CDK6: variants seen among roughly 807,000 people sequenced by gnomAD.
CDK6 encodes cyclin dependent kinase 6, also known as cyclin-dependent kinase 6.
Under a neutral mutation model 37.1 loss-of-function variants are expected in CDK6, and 6 were observed. The ratio of observed to expected loss-of-function variants is 0.16; its 90% CI spans 0.09 to 0.32. The LOEUF (loss-of-function observed/expected upper bound fraction) is 0.32, where lower values mean the gene tolerates loss of function less well. CDK6 is among the 10% of genes least tolerant of loss of function. The pLI is 1.00. For synonymous variants in CDK6, 160 were observed against 161.3 expected, an observed-to-expected ratio of 0.99 and a Z score of 0.06; for missense variants, 224 against 418.9, an observed-to-expected ratio of 0.53 and a Z score of 4.06.
At chr7:92,753,840 C>G (rs1190142829) in intron 3 of CDK6, among the ~76,000 whole-genome samples, 1 of 152,144 alleles carries the variant, frequency 6.6e-6, no homozygotes, top group Non-Finnish European at 1.5e-5. Flanking sequence ...TTTGTTGCTG[C>G]TAGTATTGGT....
chr7:92,631,099 A>G (rs958020733), intron 5 of CDK6, among the ~76,000 whole-genome samples: 1 of 152,126 alleles, frequency 6.6e-6, no homozygotes, highest in Non-Finnish European at 1.5e-5. Context: ...CCTGGGAGAG[A>G]AGGAAAAGCT....
At chr7:92,718,711 G>C (rs986578954) in intron 4 of CDK6, among the ~76,000 whole-genome samples, 1 of 152,186 alleles carries the variant, frequency 6.6e-6, no homozygotes, top group Non-Finnish European at 1.5e-5. Flanking sequence ...TTTGACCTGG[G>C]TAAGGAGGGA....
intron 3 of CDK6, among the ~76,000 whole-genome samples, chr7:92,757,672 G>GT (rs1432800244): frequency 1.3e-5 from 2 of 152,214 alleles, no homozygotes; most frequent in Non-Finnish European, 2.9e-5. Flanking sequence ...TATACACCCA[G>GT]TAAAGGGATT....
chr7:92,718,664 C>T (rs1023816085), intron 4 of CDK6, among the ~76,000 whole-genome samples: 2 of 152,186 alleles, frequency 1.3e-5, no homozygotes, highest in African/African-American at 4.8e-5. Flanking sequence ...GCGCGTTCAA[C>T]AGGAGGATGC....
intron 4 of CDK6, among the ~76,000 whole-genome samples, chr7:92,720,397 C>T (rs981849179): frequency 3.3e-5 from 5 of 152,172 alleles, no homozygotes; most frequent in Non-Finnish European, 5.9e-5. Flanking sequence ...CATTTACAAT[C>T]TATTTGGTAA....
intron 5 of CDK6, among the ~76,000 whole-genome samples, chr7:92,656,034 C>T (rs749183874): frequency 2.0e-5 from 3 of 151,652 alleles, no homozygotes; most frequent in Non-Finnish European, 4.4e-5. Flanking sequence ...AGGTTAAAGG[C>T]GAAAGACCAT....
chr7:92,712,802 ATG>A (rs1486190277), intron 4 of CDK6, among the ~76,000 whole-genome samples: 3 of 152,148 alleles, frequency 2.0e-5, no homozygotes, highest in Non-Finnish European at 4.4e-5. Context: ...GTATAAGAAC[ATG>A]TGAGTTTCTC....
intron 2 of CDK6, among the ~76,000 whole-genome samples, chr7:92,803,341 G>C (rs1168789532): frequency 1.3e-5 from 2 of 152,160 alleles, no homozygotes; most frequent in African/African-American, 4.8e-5. Context: ...ACTAAACCAG[G>C]TGATATAAAC....
At chr7:92,742,809 T>C (rs1224063029) in intron 3 of CDK6, among the ~76,000 whole-genome samples, 1 of 152,044 alleles carries the variant, frequency 6.6e-6, no homozygotes, top group East Asian at 1.9e-4. Context: ...AAATTGAAAG[T>C]GTTTAATATT....
At chr7:92,690,137 G>A (rs1002096943) in intron 4 of CDK6, among the ~76,000 whole-genome samples, 3 of 151,868 alleles carry the variant, frequency 2.0e-5, no homozygotes, top group East Asian at 1.9e-4. Context: ...GTTAACTTCC[G>A]TTTGTCCATT....
At chr7:92,759,270 T>A (rs1487284665) in intron 3 of CDK6, among the ~76,000 whole-genome samples, 1 of 152,134 alleles carries the variant, frequency 6.6e-6, no homozygotes, top group Non-Finnish European at 1.5e-5. Flanking sequence ...CCTGGCAACA[T>A]GCTCATCAAT....
intron 2 of CDK6, among the ~76,000 whole-genome samples, chr7:92,831,015 A>G (rs545960495): frequency 6.6e-6 from 1 of 152,352 alleles, no homozygotes; most frequent in South Asian, 2.1e-4. Context: ...TCAAATTTAC[A>G]AAGTGCTTTC....
intron 3 of CDK6, among the ~76,000 whole-genome samples, chr7:92,760,875 T>C (rs1202650480): frequency 2.0e-5 from 3 of 152,134 alleles, no homozygotes; most frequent in African/African-American, 7.2e-5. Flanking sequence ...AGATAAATTT[T>C]CATAATGTAT....
intron 3 of CDK6, among the ~76,000 whole-genome samples, chr7:92,756,095 CT>C (rs762019048): frequency 6.0e-5 from 9 of 151,136 alleles, no homozygotes; most frequent in Non-Finnish European, 1.3e-4. Flanking sequence ...AAAAAGGTGG[CT>C]CTGTTATAGA....
intron 3 of CDK6, among the ~76,000 whole-genome samples, chr7:92,767,067 T>G (rs1027391588): frequency 3.3e-5 from 5 of 152,186 alleles, no homozygotes; most frequent in Non-Finnish European, 7.4e-5. Flanking sequence ...GTCTCCAACC[T>G]AAGTCCCAAG....
chr7:92,636,251 G>T (rs1266367073), intron 5 of CDK6, among the ~76,000 whole-genome samples: 2 of 151,942 alleles, frequency 1.3e-5, no homozygotes, highest in Non-Finnish European at 2.9e-5. Context: ...GTAGAGACAG[G>T]GTTTTGCCAT....
intron 2 of CDK6, among the ~76,000 whole-genome samples, chr7:92,806,046 T>C (rs1800715941): frequency 6.6e-6 from 1 of 152,236 alleles, no homozygotes. Flanking sequence ...CACCGCATTA[T>C]ACATTTAAAA....
chr7:92,772,568 T>C lies in CDK6; in HGVS notation c.369+2128A>G, dbSNP rs1799744287. Among the ~76,000 whole-genome samples the C allele has an allele frequency of 2.0e-5, 3 of 152,084 alleles. No homozygotes were observed. In the South Asian group the frequency reaches 6.2e-4, roughly 32 times the overall value. The stretch of plus-strand genomic sequence containing the variant: ...AAAAAATTAACTTTTAATGTCACCT[T>C]GTTCAAGAGCTTCTGGCAACAATCA... On this transcript the variant is annotated intron_variant, in intron 3 of 7. Transcript: ENST00000424848.
intron 2 of CDK6, among the ~76,000 whole-genome samples, chr7:92,824,543 C>T (rs966737871): frequency 2.6e-5 from 4 of 152,026 alleles, no homozygotes; most frequent in Non-Finnish European, 4.4e-5. Flanking sequence ...TGGGTAAACA[C>T]GACACCAATA....
Sources: gnomAD v4.1 joint callset for allele counts (sites outside exome capture counted in the v4.1 genomes callset) on GRCh38, gnomAD v4.1.1 for gene constraint, MANE v1.5 for transcripts, NCBI Gene and HGNC (gene_info 2026-07-23, HGNC 2026-07-21) for gene names.